Variants in KDF1 observed in about 807,000 individuals in gnomAD.
KDF1 encodes RP11-344H11.3.
KDF1 carries 11 observed loss-of-function variants against 31.6 expected under a neutral mutation model. The ratio of observed to expected loss-of-function variants is 0.35; its 90% CI spans 0.22 to 0.58. KDF1 has a LOEUF of 0.58. Ranked by LOEUF, KDF1 falls within the 20% of genes least tolerant of loss-of-function variation. KDF1 has a pLI of 0.83. For missense variants in KDF1, 476 were observed against 549.1 expected, an observed-to-expected ratio of 0.87 and a Z score of 1.33; for synonymous variants, 205 against 214.4, an observed-to-expected ratio of 0.96 and a Z score of 0.38.
In KDF1 at chr1:26,952,195, A is replaced by G. The variant is rs1279227985; in HGVS notation, c.186T>C (p.Ser62=). Residue 62 remains serine, a synonymous_variant, in exon 2 of 4, where the codon TCT becomes TCC. Coordinates refer to ENST00000320567, the MANE Select transcript of KDF1 (RefSeq NM_152365.3). This position sits in a 1 kb window ranked among gnomAD's most constrained non-coding sequence, Gnocchi z 4.1. ...ACTCAAGGGCCGGCTCAGCAGAGCC[A>G]GAGATGAAGGTAATGCTCTCTGGCC... ...HHGPESITFI[S]GSAEPALESP... The G allele has an allele frequency of 2.5e-6, 4 of 1,613,190 alleles. No individual in the cohort carries two copies. The East Asian group carries it at 6.7e-5, about 27-fold the overall frequency.
chr1:26,951,848 G>T lies in KDF1; in HGVS notation c.533C>A (p.Thr178Asn). ...GGAGTCCGCATCAGGGGCTGGGGAG[G>T]TGGCCCTCGGGTAGGGATACACAGG... ...GIPVYPYPRA[T>N]SPAPDADSCC... Residue 178 changes from threonine to asparagine, a missense_variant, in exon 2 of 4, where the codon ACC becomes AAC. By Grantham distance (65) the Thr-to-Asn change is moderately conservative (BLOSUM62 0). Around this residue, in one of 2 missense-constraint regions of KDF1, gnomAD observed 330 missense variants for 332.3 expected, o/e 0.99. Transcript: ENST00000320567. This position sits in a 1 kb window ranked among gnomAD's most constrained non-coding sequence, Gnocchi z 5.4. The T allele has an allele frequency of 1.2e-6, 2 of 1,614,010 alleles. No individual in the cohort carries two copies. The highest frequency in any genetic ancestry group is 8.5e-7 in the Non-Finnish European group (1 of 1,179,978).
In KDF1 at chr1:26,951,736, C is replaced by T. The variant is rs139585050; in HGVS notation, c.645G>A (p.Glu215=). The T allele has an allele frequency of 1.3e-4, 210 of 1,614,016 alleles. 2 individuals carry two copies. In the African/African-American group the frequency reaches 2.6e-3, roughly 20 times the overall value. Residue 215 remains glutamate, a synonymous_variant, in exon 2 of 4, where the codon GAG becomes GAA. Transcript: ENST00000320567. The surrounding 1 kb of genome is among the most constrained non-coding windows in gnomAD (Gnocchi z 5.4). ...GGTCCGACTCATGGAAAGAATAGTA[C>T]TCCTCGGAGCCACGAGGACTACTGG... ...TFASSPRGSE[E]YYSFHESDLD...
chr1:26,957,689 TTGCAATC>T (rs1180182737), intron 1 of KDF1, among the ~76,000 whole-genome samples: 11 of 152,204 alleles, frequency 7.2e-5, no homozygotes, highest in African/African-American at 2.4e-4. Context: ...TTAAATTCCC[TTGCAATC>T]TGAGCTAAGT....
Position 26,960,191 on chromosome 1 carries a change from T to C in KDF1, c.-33+159A>G, listed in dbSNP as rs1227195124. 6.6e-6 allele frequency among the ~76,000 whole-genome samples: 1 copy of C among 151,846 alleles called. No individual in the cohort carries two copies. The highest frequency in any genetic ancestry group is 1.5e-5 in the Non-Finnish European group (1 of 67,922). On this transcript the variant is annotated intron_variant, in intron 1 of 3. Transcript: ENST00000320567. This position sits in a 1 kb window ranked among gnomAD's most constrained non-coding sequence, Gnocchi z 4.9. ...CTGCGCGCCCAGCCCGGGCGCCCGC[T>C]CAGGCCGCTCCCCAGCCCGGCCCGC...
At chr1:26,954,396 G>C (rs2082367325) in intron 1 of KDF1, among the ~76,000 whole-genome samples, 1 of 151,880 alleles carries the variant, frequency 6.6e-6, no homozygotes, top group Middle Eastern at 3.4e-3. Context: ...GCTAAGTTTT[G>C]TATTTTTAGT....
chr1:26,952,360 G>C lies in KDF1; in HGVS notation c.21C>G (p.Pro7=), dbSNP rs2082356560. The stretch of plus-strand genomic sequence containing the variant: ...AGCGTGGAGGCCCAGATGCTGGGCG[G>C]GGGTGTCCAGGGCGGGGCATGGCTC... MPRPGH[P]RPASGPPRLG... The change falls in exon 2 of 4, where the codon CCC becomes CCG. Residue 7 remains proline (P), a synonymous_variant. Transcript: ENST00000320567. This position sits in a 1 kb window ranked among gnomAD's most constrained non-coding sequence, Gnocchi z 4.1. 7 of 1,511,950 alleles carry C rather than the reference G, an allele frequency of 4.6e-6. No homozygotes were observed. The highest frequency in any genetic ancestry group is 6.2e-6 in the Non-Finnish European group (7 of 1,133,830). 93.7% of individuals were successfully genotyped at this position (1,511,950 alleles called of 1,614,324 possible).
In KDF1 at chr1:26,951,203, C is replaced by T; in HGVS notation, c.1039+139G>A. The T allele has an allele frequency of 2.1e-6, 2 of 956,532 alleles. No individual in the cohort carries two copies. Among genetic ancestry groups the T allele is most frequent in the South Asian group, 1.8e-5 (1 of 56,832 alleles). The allele number at this position is 956,532 out of a possible 1,614,324, so 59.3% of individuals were successfully genotyped here. On this transcript the variant is annotated intron_variant, in intron 2 of 3. Coordinates refer to ENST00000320567, the MANE Select transcript of KDF1 (RefSeq NM_152365.3). The surrounding 1 kb of genome is among the most constrained non-coding windows in gnomAD (Gnocchi z 5.4). ...GAGTGGGAGCTGGGGAGAGGGGATG[C>T]AAGAGTTGACAGAAAGGAGGAGGAA... is the stretch of plus-strand genomic sequence containing the variant.
chr1:26,955,752 C>T (rs893424056), intron 1 of KDF1, among the ~76,000 whole-genome samples: 7 of 152,080 alleles, frequency 4.6e-5, no homozygotes, highest in East Asian at 1.9e-4. Flanking sequence ...GTCAGGATTT[C>T]GAGACCAGCC....
chr1:26,953,999 T>C (rs2082365380), intron 1 of KDF1, among the ~76,000 whole-genome samples: 1 of 151,302 alleles, frequency 6.6e-6, no homozygotes, highest in African/African-American at 2.4e-5. Context: ...TCCACTTATA[T>C]GACATCTCTA....
chr1:26,955,072 G>A (rs980441250), intron 1 of KDF1, among the ~76,000 whole-genome samples: 4 of 151,814 alleles, frequency 2.6e-5, no homozygotes. Context: ...TGGCCAGGCT[G>A]GTCTCGAACT....
chr1:26,950,014 A>G lies in KDF1; in HGVS notation c.*55T>C. 2 of 1,551,604 alleles carry G rather than the reference A, an allele frequency of 1.3e-6. No homozygotes were observed. The highest frequency in any genetic ancestry group is 2.3e-5 in the East Asian group (1 of 44,442). ...ACAGGGGTTCCTGGTCCCCCTCTTC[A>G]TTCTGTAGGCCATGCTTCTCCCAGA... On this transcript the variant is annotated 3_prime_UTR_variant, in exon 4 of 4. Transcript: ENST00000320567. This position sits in a 1 kb window ranked among gnomAD's most constrained non-coding sequence, Gnocchi z 4.0.
intron 1 of KDF1, among the ~76,000 whole-genome samples, chr1:26,954,162 C>CAATGTG (rs2082365927): frequency 6.7e-6 from 1 of 149,954 alleles, no homozygotes; most frequent in South Asian, 2.1e-4. Flanking sequence ...AGTTGTACAA[C>CAATGTG]AATGTGAATG....
rs1053120494 is a variant in KDF1 at position 26,960,028 on chromosome 1, C to T, written c.-33+322G>A. ...AAGGGCCCTACCCCGCGGGCGGACCCAGCCTCCCTCCCGTCCCGACGCTGT... is the reference window on the plus strand; with the variant it reads ...AAGGGCCCTACCCCGCGGGCGGACCTAGCCTCCCTCCCGTCCCGACGCTGT... On this transcript the variant is annotated intron_variant, in intron 1 of 3. Transcript: ENST00000320567. This position sits in a 1 kb window ranked among gnomAD's most constrained non-coding sequence, Gnocchi z 4.9. Among the ~76,000 whole-genome samples, 2 of 152,180 alleles carry T rather than the reference C, an allele frequency of 1.3e-5. No individual in the cohort carries two copies. Among genetic ancestry groups the T allele is most frequent in the Non-Finnish European group, 2.9e-5 (2 of 68,018 alleles).
intron 1 of KDF1, among the ~76,000 whole-genome samples, chr1:26,959,593 G>C (rs1372170544): frequency 6.6e-6 from 1 of 152,128 alleles, no homozygotes; most frequent in Non-Finnish European, 1.5e-5. Flanking sequence ...GGCACCGCAA[G>C]GATGTTCCCG....
At chr1:26,954,250 G>T (rs1459541849) in intron 1 of KDF1, among the ~76,000 whole-genome samples, 1 of 148,494 alleles carries the variant, frequency 6.7e-6, no homozygotes, top group Admixed American at 6.7e-5. Context: ...TTGAAACGGA[G>T]TCTCACTCCG....
chr1:26,957,987 T>C (rs1244288695), intron 1 of KDF1, among the ~76,000 whole-genome samples: 1 of 151,294 alleles, frequency 6.6e-6, no homozygotes, highest in Non-Finnish European at 1.5e-5. Context: ...GCTAATTTTT[T>C]TGTATTTTTA....
rs2082337456 is a variant in KDF1, at chr1:26,949,575, T to TA, written c.*493dup. On this transcript the variant is annotated 3_prime_UTR_variant, in exon 4 of 4. Transcript: ENST00000320567. The stretch of plus-strand genomic sequence containing the variant: ...GGCAGATACCAATTACCTTTGTACT[T>TA]ACAAACTGTGGTCATGTTAAGATAC... The TA allele has an allele frequency of 6.3e-6, 1 of 159,476 alleles. No individual in the cohort carries two copies. Among genetic ancestry groups the TA allele is most frequent in the South Asian group, 1.8e-4 (1 of 5,472 alleles). 9.9% of individuals were successfully genotyped at this position (159,476 alleles called of 1,614,324 possible). A position where few individuals can be genotyped will look rare whatever the true frequency, so the allele number is the denominator to read the frequency against.
At position 26,960,180 on chromosome 1, in the gene KDF1, C is replaced by T. The variant is rs2082394799; in HGVS notation, c.-33+170G>A. The stretch of plus-strand genomic sequence containing the variant: ...CTCACCCCATTCTGCGCGCCCAGCC[C>T]GGGCGCCCGCTCAGGCCGCTCCCCA... On this transcript the variant is annotated intron_variant, in intron 1 of 3. Transcript: ENST00000320567. This position sits in a 1 kb window ranked among gnomAD's most constrained non-coding sequence, Gnocchi z 4.9. 6.6e-6 allele frequency among the ~76,000 whole-genome samples: 1 copy of T among 152,152 alleles called. No homozygotes were observed. The highest frequency in any genetic ancestry group is 2.4e-5 in the African/African-American group (1 of 41,462).
chr1:26,956,986 G>A (rs544771047), intron 1 of KDF1, among the ~76,000 whole-genome samples: 3 of 152,238 alleles, frequency 2.0e-5, no homozygotes, highest in Admixed American at 2.0e-4. Flanking sequence ...GAGTGCAGTG[G>A]TGCAACCCTA....
Sources: gnomAD v4.1 joint callset for allele counts (sites outside exome capture counted in the v4.1 genomes callset) on GRCh38, gnomAD v4.1.1 for gene constraint, gnomAD v4.1.1 regional missense constraint, Gnocchi (gnomAD v3.1) non-coding constraint, MANE v1.5 for transcripts, NCBI Gene and HGNC (gene_info 2026-07-23, HGNC 2026-07-21) for gene names.